PHACTR1: variants seen among roughly 807,000 people sequenced by gnomAD.
PHACTR1 encodes the protein RPEL repeat containing 1.
PHACTR1 carries 16 observed loss-of-function variants against 69.2 expected under a neutral mutation model. The ratio of observed to expected loss-of-function variants is 0.23; its 90% confidence interval spans 0.16 to 0.35. PHACTR1 has a LOEUF of 0.35. PHACTR1 is among the 10% of genes least tolerant of loss of function. PHACTR1 has a pLI of 1.00. For synonymous variants in PHACTR1, 312 were observed against 284.5 expected (o/e 1.10, Z -0.97); for missense variants, 510 against 734.7 (o/e 0.69, Z 3.54).
At chr6:12,863,818 G>A (rs905687963) in intron 4 of PHACTR1, among the ~76,000 whole-genome samples, 2 of 152,104 alleles carry the variant, frequency 1.3e-5, no homozygotes, top group South Asian at 4.2e-4. Context: ...AAAATAAAAA[G>A]GCCCAGGTGA....
intron 3 of PHACTR1, among the ~76,000 whole-genome samples, chr6:12,727,327 G>C (rs1762921564): frequency 6.6e-6 from 1 of 152,170 alleles, no homozygotes; most frequent in Non-Finnish European, 1.5e-5. Flanking sequence ...CAACCCTCCT[G>C]TTCTGGAGTG....
At chr6:12,735,462 G>A (rs543701469) in intron 3 of PHACTR1, among the ~76,000 whole-genome samples, 7 of 152,274 alleles carry the variant, frequency 4.6e-5, no homozygotes, top group East Asian at 1.9e-4. Flanking sequence ...CAATACAAAC[G>A]TTTTTACAGG....
chr6:12,898,131 G>A (rs1784857067), intron 4 of PHACTR1, among the ~76,000 whole-genome samples: 1 of 151,908 alleles, frequency 6.6e-6, no homozygotes, highest in African/African-American at 2.4e-5. Flanking sequence ...TTTCACCTCA[G>A]GCCACCTCAT....
At chr6:12,961,903 C>T (rs1030238567) in intron 4 of PHACTR1, among the ~76,000 whole-genome samples, 2 of 151,990 alleles carry the variant, frequency 1.3e-5, no homozygotes, top group Admixed American at 6.6e-5. Context: ...GGTGTCTGTG[C>T]CTTAGTCTCC....
chr6:12,814,033 C>G (rs1775309425), intron 4 of PHACTR1, among the ~76,000 whole-genome samples: 1 of 152,366 alleles, frequency 6.6e-6, no homozygotes, highest in East Asian at 1.9e-4. Flanking sequence ...CCAGCTCCTT[C>G]TGTTCCATTT....
intron 6 of PHACTR1, among the ~76,000 whole-genome samples, chr6:13,163,291 T>C (rs979614028): frequency 6.6e-6 from 1 of 152,088 alleles, no homozygotes; most frequent in African/African-American, 2.4e-5. Context: ...CATAAATAAG[T>C]GATTGCAGAG....
intron 5 of PHACTR1, among the ~76,000 whole-genome samples, chr6:13,056,442 A>G (rs1561762950): frequency 1.3e-5 from 2 of 152,236 alleles, no homozygotes; most frequent in Admixed American, 6.5e-5. Flanking sequence ...TATAAGAGTC[A>G]TATCTAAGTA....
chr6:12,758,475 A>T (rs1285287618), intron 4 of PHACTR1, among the ~76,000 whole-genome samples: 1 of 151,788 alleles, frequency 6.6e-6, no homozygotes. Flanking sequence ...CTAAAAAAAA[A>T]AAAAAAAAAA....
chr6:12,812,130 C>T (rs1775078648), intron 4 of PHACTR1, among the ~76,000 whole-genome samples: 1 of 152,140 alleles, frequency 6.6e-6, no homozygotes, highest in Admixed American at 6.5e-5. Flanking sequence ...AAAAGAAAAC[C>T]ATGTGGCCAC....
intron 4 of PHACTR1, among the ~76,000 whole-genome samples, chr6:12,808,043 T>A (rs1335858380): frequency 6.6e-6 from 1 of 152,200 alleles, no homozygotes; most frequent in East Asian, 1.9e-4. Flanking sequence ...CTGGACCTAA[T>A]GAGTCCACCT....
intron 4 of PHACTR1, among the ~76,000 whole-genome samples, chr6:12,804,851 A>G (rs1774124516): frequency 6.6e-6 from 1 of 152,210 alleles, no homozygotes. Context: ...ATAGACCTCA[A>G]CTGAGCATAC....
intron 4 of PHACTR1, among the ~76,000 whole-genome samples, chr6:13,030,692 C>T (rs1156564794): frequency 6.6e-6 from 1 of 152,230 alleles, no homozygotes; most frequent in Non-Finnish European, 1.5e-5. Flanking sequence ...TGTGAAACAG[C>T]TGTCTGTTGG....
At chr6:12,927,680 C>T (rs1276463962) in intron 4 of PHACTR1, among the ~76,000 whole-genome samples, 1 of 152,178 alleles carries the variant, frequency 6.6e-6, no homozygotes, top group African/African-American at 2.4e-5. Flanking sequence ...TGCATGCATA[C>T]ACCAAAAAAG....
chr6:13,040,917 T>C (rs1041339294), intron 4 of PHACTR1, among the ~76,000 whole-genome samples: 2 of 152,172 alleles, frequency 1.3e-5, no homozygotes, highest in Non-Finnish European at 1.5e-5. Context: ...CATGATTAAA[T>C]GCACTTAAAC....
At chr6:12,805,607 C>CTTT (rs766185084) in intron 4 of PHACTR1, among the ~76,000 whole-genome samples, 10,065 of 149,748 alleles carry the variant, frequency 0.067, 422 homozygotes, top group Admixed American at 0.099. Flanking sequence ...TTCTTTCTTT[C>CTTT]TTTCTTTTTT....
intron 4 of PHACTR1, among the ~76,000 whole-genome samples, chr6:12,776,431 C>G (rs1482842996): frequency 2.0e-5 from 3 of 152,206 alleles, no homozygotes; most frequent in South Asian, 2.1e-4. Flanking sequence ...AACTTAATCA[C>G]TCGCAGCAGC....
At chr6:12,838,884 G>A (rs1778424756) in intron 4 of PHACTR1, among the ~76,000 whole-genome samples, 2 of 152,138 alleles carry the variant, frequency 1.3e-5, no homozygotes, top group Non-Finnish European at 1.5e-5. Context: ...CAGGTCTCTG[G>A]TCTCTAGGGT....
chr6:13,168,890 ATTC>A (rs1760205302), intron 6 of PHACTR1, among the ~76,000 whole-genome samples: 2 of 152,302 alleles, frequency 1.3e-5, no homozygotes, highest in Admixed American at 6.5e-5. Flanking sequence ...TTCATTGTTT[ATTC>A]TTCATCTTGA....
chr6:13,002,527 A>G (rs994167251), intron 4 of PHACTR1, among the ~76,000 whole-genome samples: 5 of 152,212 alleles, frequency 3.3e-5, no homozygotes, highest in South Asian at 2.1e-4. Flanking sequence ...TAAAAGCACC[A>G]TGAGGAAAAG....
Sources: gnomAD v4.1 joint callset for allele counts (sites outside exome capture counted in the v4.1 genomes callset) on GRCh38, gnomAD v4.1.1 for gene constraint, MANE v1.5 for transcripts, NCBI Gene and HGNC (gene_info 2026-07-23, HGNC 2026-07-21) for gene names.